Variants in STPG2 observed in about 807,000 individuals in gnomAD.
STPG2 encodes sperm-tail PG-rich repeat-containing protein 2.
In STPG2, 56 loss-of-function variants were observed where a neutral mutation model predicts 54.2. The ratio of observed to expected loss-of-function variants is 1.03; its 90% CI spans 0.83 to 1.29. The LOEUF (loss-of-function observed/expected upper bound fraction) is 1.29, where lower values mean the gene tolerates loss of function less well. Among genes scored for constraint, STPG2 ranks in the 50% most tolerant of loss-of-function variants. The pLI, the probability that STPG2 is intolerant of heterozygous loss-of-function variation, is 0.00. For missense variants in STPG2, 596 were observed against 544.9 expected (o/e 1.09, Z -0.93); for synonymous variants, 200 against 181.8 (o/e 1.10, Z -0.81).
At chr4:97,855,840 G>T (rs111559651) in intron 8 of STPG2, among the ~76,000 whole-genome samples, 7 of 152,142 alleles carry the variant, frequency 4.6e-5, no homozygotes, top group South Asian at 4.1e-4. Flanking sequence ...ATTAATTTTT[G>T]AATATGATGT....
chr4:97,716,776 C>A (rs1262346373), intron 9 of STPG2, among the ~76,000 whole-genome samples: 1 of 151,558 alleles, frequency 6.6e-6, no homozygotes, highest in African/African-American at 2.4e-5. Flanking sequence ...TTGATGGGTG[C>A]AGCAAACCAC....
At chr4:98,089,005 G>A (rs1417293415) in intron 5 of STPG2, among the ~76,000 whole-genome samples, 2 of 152,050 alleles carry the variant, frequency 1.3e-5, no homozygotes, top group Non-Finnish European at 2.9e-5. Context: ...TTGAAATTCA[G>A]TCCCCCTCTG....
At chr4:97,747,698 A>G (rs1343203063) in intron 9 of STPG2, among the ~76,000 whole-genome samples, 1 of 151,242 alleles carries the variant, frequency 6.6e-6, no homozygotes, top group African/African-American at 2.4e-5. Context: ...AATGTGCATG[A>G]TTTCTACTTT....
intron 7 of STPG2, 134 bp from the exon 8 acceptor site, chr4:97,944,141 T>A (rs1358994300): frequency 1.5e-5 from 9 of 598,238 alleles, no homozygotes; most frequent in Non-Finnish European, 2.6e-5. Flanking sequence ...CATAAACAAA[T>A]AAAATTTTCA....
chr4:97,713,890 A>G (rs551707370), intron 9 of STPG2, among the ~76,000 whole-genome samples: 9 of 152,168 alleles, frequency 5.9e-5, no homozygotes, highest in African/African-American at 1.9e-4. Context: ...TGTCTATCAC[A>G]TGCCAAACCT....
intron 10 of STPG2, among the ~76,000 whole-genome samples, chr4:97,689,493 A>G (rs191459430): frequency 2.0e-5 from 3 of 152,256 alleles, no homozygotes; most frequent in African/African-American, 7.2e-5. Flanking sequence ...GCGATTTTGT[A>G]TACAAAAACA....
intron 10 of STPG2, among the ~76,000 whole-genome samples, chr4:97,596,406 C>A (rs1420618642): frequency 6.6e-6 from 1 of 152,042 alleles, no homozygotes; most frequent in African/African-American, 2.4e-5. Flanking sequence ...TGACACTTGA[C>A]CAAGCTACCT....
At chr4:97,845,560 T>C (rs1414401071) in intron 8 of STPG2, among the ~76,000 whole-genome samples, 1 of 152,180 alleles carries the variant, frequency 6.6e-6, no homozygotes, top group Admixed American at 6.5e-5. Context: ...TTCTGGTTAA[T>C]TAAACATTTT....
At chr4:97,703,447 A>G (rs1441300570) in intron 10 of STPG2, among the ~76,000 whole-genome samples, 1 of 142,892 alleles carries the variant, frequency 7.0e-6, no homozygotes, top group East Asian at 2.0e-4. Flanking sequence ...TATATGCTAT[A>G]TATATACACA....
intron 5 of STPG2, among the ~76,000 whole-genome samples, chr4:98,080,473 T>C (rs1206879422): frequency 6.6e-6 from 1 of 152,118 alleles, no homozygotes; most frequent in Non-Finnish European, 1.5e-5. Flanking sequence ...TTACAGCAAA[T>C]CAGTTTACTG....
chr4:97,714,840 T>G (rs1724241195), intron 9 of STPG2, among the ~76,000 whole-genome samples: 1 of 152,176 alleles, frequency 6.6e-6, no homozygotes, highest in South Asian at 2.1e-4. Context: ...TAAAGGTTAA[T>G]GCAACAGGTA....
chr4:97,697,482 T>C (rs1723615373), intron 10 of STPG2, among the ~76,000 whole-genome samples: 1 of 152,234 alleles, frequency 6.6e-6, no homozygotes, highest in Admixed American at 6.5e-5. Flanking sequence ...ATTTCAATGA[T>C]GATTGTGCTT....
At chr4:97,776,588 G>A (rs561637942) in intron 9 of STPG2, among the ~76,000 whole-genome samples, 1 of 152,268 alleles carries the variant, frequency 6.6e-6, no homozygotes, top group Admixed American at 6.5e-5. Flanking sequence ...AGAGAACAAA[G>A]TTCCATTTGA....
chr4:98,082,642 C>T (rs1355843555), intron 5 of STPG2, among the ~76,000 whole-genome samples: 2 of 151,182 alleles, frequency 1.3e-5, no homozygotes, highest in Non-Finnish European at 3.0e-5. Flanking sequence ...TTAGTAGAGA[C>T]GGGGTTTCGC....
intron 9 of STPG2, among the ~76,000 whole-genome samples, chr4:97,818,247 C>A (rs748948820): frequency 2.0e-5 from 3 of 151,944 alleles, no homozygotes; most frequent in Non-Finnish European, 2.9e-5. Flanking sequence ...TTCTTATCCA[C>A]GGGGACACGT....
intron 4 of STPG2, among the ~76,000 whole-genome samples, chr4:97,520,127 C>G (rs2148846557): frequency 6.6e-6 from 1 of 151,902 alleles, no homozygotes; most frequent in Middle Eastern, 3.4e-3. Context: ...GACATTCTGG[C>G]CAAGGACAAT....
At chr4:97,951,443 A>T (rs1267663450) in intron 7 of STPG2, among the ~76,000 whole-genome samples, 1 of 152,082 alleles carries the variant, frequency 6.6e-6, no homozygotes, top group Non-Finnish European at 1.5e-5. Context: ...TCATTTGGGT[A>T]TACTATTTCT....
intron 9 of STPG2, among the ~76,000 whole-genome samples, chr4:97,780,840 A>G (rs570303902): frequency 0.016 from 2,497 of 151,828 alleles, 61 homozygotes; most frequent in African/African-American, 0.058. Flanking sequence ...TACTGGGTAC[A>G]TAAGGAAATG....
chr4:97,675,434 C>T (rs1012189347), intron 10 of STPG2, among the ~76,000 whole-genome samples: 1 of 152,014 alleles, frequency 6.6e-6, no homozygotes, highest in African/African-American at 2.4e-5. Context: ...GGAAATCCAC[C>T]GACCTGGGGC....
Sources: gnomAD v4.1 joint callset for allele counts (sites outside exome capture counted in the v4.1 genomes callset) on GRCh38, gnomAD v4.1.1 for gene constraint, MANE v1.5 for transcripts, NCBI Gene and HGNC (gene_info 2026-07-23, HGNC 2026-07-21) for gene names.